Variants in SLC38A3 observed in about 807,000 individuals in gnomAD.
SLC38A3 encodes sodium-coupled neutral amino acid transporter 3.
In SLC38A3, 17 loss-of-function variants were observed where a neutral mutation model predicts 59.5. The ratio of observed to expected loss-of-function variants is 0.29; its 90% CI spans 0.20 to 0.43. The LOEUF is 0.43. Ranked by LOEUF, SLC38A3 falls within the 20% of genes least tolerant of loss-of-function variation. The pLI, the probability that SLC38A3 is intolerant of heterozygous loss-of-function variation, is 1.00. For synonymous variants in SLC38A3, 238 were observed against 260.3 expected (o/e 0.91, Z 0.82); for missense variants, 454 against 653.9 (o/e 0.69, Z 3.33).
chr3:50,215,834 G>C lies in SLC38A3; in HGVS notation c.548+13G>C, dbSNP rs778276104. On this transcript the variant is annotated intron_variant, in intron 7 of 15. Transcript: ENST00000614032. This position sits in a 1 kb window ranked among gnomAD's most constrained non-coding sequence, Gnocchi z 7.1. ...AGGAGAAAACCTCGTGAGCCCTGGC[G>C]TGGGGAGGGGAGGGGAGGGGTGCGG... 7 of 1,531,264 alleles carry C rather than the reference G, an allele frequency of 4.6e-6. No individual in the cohort carries two copies. The South Asian group carries it at 8.4e-5, about 18-fold the overall frequency. 94.9% of individuals were successfully genotyped at this position (1,531,264 alleles called of 1,614,324 possible). A position where few individuals can be genotyped will look rare whatever the true frequency, so the allele number is the denominator to read the frequency against.
In SLC38A3 at chr3:50,217,940, G is replaced by T. The variant is rs932109775; in HGVS notation, c.879G>T (p.Met293Ile). ...AGACAGCATACACCATCCCCATCAT[G>T]GCCTTCGCCTTCGTCTGCCACCCCG... The part of the protein sequence containing the change: ...NSQTAYTIPI[M>I]AFAFVCHPEV... The change falls in exon 11 of 16, where the codon ATG (methionine) becomes ATT (isoleucine). Residue 293 changes from methionine to isoleucine, a missense_variant. This residue lies in a region of SLC38A3 where 390 missense variants were observed against 557.9 expected (regional missense o/e 0.70). Coordinates refer to ENST00000614032, the MANE Select transcript of SLC38A3 (RefSeq NM_006841.6). This position sits in a 1 kb window ranked among gnomAD's most constrained non-coding sequence, Gnocchi z 4.9. 6.2e-7 allele frequency: 1 copy of T among 1,614,016 alleles called. No homozygotes were observed. The highest frequency in any genetic ancestry group is 8.5e-7 in the Non-Finnish European group (1 of 1,179,896).
chr3:50,211,172 CG>C (rs549313404), intron 1 of SLC38A3, among the ~76,000 whole-genome samples: 4 of 152,212 alleles, frequency 2.6e-5, no homozygotes, highest in Non-Finnish European at 4.4e-5. Flanking sequence ...GAGTTTACCC[CG>C]ATTCCGATTC....
In SLC38A3 at chr3:50,220,284, A is replaced by G. The variant is rs1331102524; in HGVS notation, c.*107A>G. On this transcript the variant is annotated 3_prime_UTR_variant, in exon 16 of 16. Transcript: ENST00000614032. ...TCGGGGGAGGAGAAAGACGCGATTA[A>G]CACTGTGGCATTCAGCCAGGCCCCA... 1 of 838,822 alleles carries G rather than the reference A, an allele frequency of 1.2e-6. No homozygotes were observed. The highest frequency in any genetic ancestry group is 1.7e-5 in the African/African-American group (1 of 59,232). 52.0% of individuals were successfully genotyped at this position (838,822 alleles called of 1,614,324 possible).
rs1286597086 is a variant in SLC38A3 at position 50,211,589 on chromosome 3, T to TTC, written c.-51-2559_-51-2558insCT. On this transcript the variant is annotated intron_variant, in intron 1 of 15. Coordinates refer to ENST00000614032, the MANE Select transcript of SLC38A3 (RefSeq NM_006841.6). ...CATCCTTTTTTTTTTTTTTTTTTTT[T>TTC]TTTTTTCTTTTTTTTTGAGATGGAG... Among the ~76,000 whole-genome samples the TTC allele has an allele frequency of 3.5e-5, 5 of 142,120 alleles. No individual in the cohort carries two copies. In the East Asian group the frequency reaches 1.0e-3, roughly 29 times the overall value. 93.2% of individuals were successfully genotyped at this position (142,120 alleles called of 152,430 possible). A position where few individuals can be genotyped will look rare whatever the true frequency, so the allele number is the denominator to read the frequency against.
intron 1 of SLC38A3, among the ~76,000 whole-genome samples, chr3:50,209,326 G>A (rs1699691038): frequency 6.6e-6 from 1 of 152,174 alleles, no homozygotes; most frequent in South Asian, 2.1e-4. Context: ...CCTAAGGTTA[G>A]GCCCAGCTAC....
At chr3:50,205,369 C>T (rs747224781) in intron 1 of SLC38A3, 21 bp downstream of exon 1, 3 of 55,970 alleles carry the variant, frequency 5.4e-5, no homozygotes, top group African/African-American at 3.2e-4. Context: ...GGGAGTTCAT[C>T]CCACCCGCAC....
At position 50,215,711 on chromosome 3, in the gene SLC38A3, C is replaced by A. The variant is rs201130965; in HGVS notation, c.467-29C>A. The A allele has an allele frequency of 1.1e-5, 18 of 1,604,662 alleles. No individual in the cohort carries two copies. The highest frequency in any genetic ancestry group is 1.5e-5 in the Non-Finnish European group (18 of 1,175,678). On this transcript the variant is annotated intron_variant, in intron 6 of 15. Transcript: ENST00000614032. This position sits in a 1 kb window ranked among gnomAD's most constrained non-coding sequence, Gnocchi z 7.1. The stretch of plus-strand genomic sequence containing the variant: ...AGCTGGCTGGTTGGGCTGACCTCAG[C>A]GCCTGCCTGCCCGCCCCTCTCCCCA...
In SLC38A3 at chr3:50,215,795, C is replaced by T. The variant is rs761510767; in HGVS notation, c.522C>T (p.Thr174=). Residue 174 remains threonine, a synonymous_variant, in exon 7 of 16, where the codon ACC becomes ACT. Coordinates refer to ENST00000614032, the MANE Select transcript of SLC38A3 (RefSeq NM_006841.6). This position sits in a 1 kb window ranked among gnomAD's most constrained non-coding sequence, Gnocchi z 7.1. ...IKSELPLVIQ[T]FLNLEEKTSD... ...CTGAGCTGCCACTTGTCATACAGAC[C>T]TTCCTGAACCTGGAGGAGAAAACCT... The T allele has an allele frequency of 3.8e-6, 6 of 1,589,612 alleles. No individual in the cohort carries two copies. In the East Asian group the frequency reaches 1.4e-4, roughly 36 times the overall value.
intron 7 of SLC38A3, among the ~76,000 whole-genome samples, chr3:50,216,191 C>T (rs1253080204): frequency 6.6e-6 from 1 of 152,230 alleles, no homozygotes; most frequent in African/African-American, 2.4e-5. Flanking sequence ...ATATTAAGCC[C>T]AGGTGTCCCA....
Position 50,217,413 on chromosome 3 carries a change from A to G in SLC38A3, c.632-2A>G, listed in dbSNP as rs1184660078. On this transcript the variant is annotated splice_acceptor_variant, in intron 8 of 15. Transcript: ENST00000614032. LOFTEE classifies it high-confidence loss of function. The surrounding 1 kb of genome is among the most constrained non-coding windows in gnomAD (Gnocchi z 4.9). Reference sequence around the variant, plus strand: ...TCTCAGAGTGCTCCCTCCACTTTGCAGGCTACCTGGGCTACTCCAGCGGCT... The same window carrying G: ...TCTCAGAGTGCTCCCTCCACTTTGCGGGCTACCTGGGCTACTCCAGCGGCT... 6.2e-7 allele frequency: 1 copy of G among 1,613,066 alleles called. No individual in the cohort carries two copies. The highest frequency in any genetic ancestry group is 2.2e-5 in the East Asian group (1 of 44,868).
In SLC38A3 at chr3:50,219,962, C is replaced by G; in HGVS notation, c.1388C>G (p.Ala463Gly). ...FRIMPTEKEP[A>G]RSTPKILALC... ...ATCATGCCCACGGAGAAGGAGCCTG[C>G]AAGATCCACCCCCAAAATCCTGGTG... Residue 463 changes from alanine to glycine, a missense_variant, in exon 15 of 16, where the codon GCA becomes GGA. Ala to Gly is a moderately conservative substitution (Grantham distance 60, BLOSUM62 0). Coordinates refer to ENST00000614032, the MANE Select transcript of SLC38A3 (RefSeq NM_006841.6). 6.2e-7 allele frequency: 1 copy of G among 1,612,622 alleles called. No homozygotes were observed. Among genetic ancestry groups the G allele is most frequent in the Non-Finnish European group, 8.5e-7 (1 of 1,179,342 alleles).
Position 50,215,012 on chromosome 3 carries a change from C to T in SLC38A3, c.299+244C>T, listed in dbSNP as rs587667776. 3.1e-4 allele frequency: 180 copies of T among 580,592 alleles called. No homozygotes were observed. The highest frequency in any genetic ancestry group is 9.2e-4 in the Middle Eastern group (2 of 2,178). 36.0% of individuals were successfully genotyped at this position (580,592 alleles called of 1,614,324 possible). ...AGGCCAGAGACTGTCCTTTTGGCAC[C>T]TTACACGTGATGGCCAAGCCCCACG... is the stretch of plus-strand genomic sequence containing the variant. On this transcript the variant is annotated intron_variant, in intron 4 of 15. Coordinates refer to ENST00000614032, the MANE Select transcript of SLC38A3 (RefSeq NM_006841.6). This position sits in a 1 kb window ranked among gnomAD's most constrained non-coding sequence, Gnocchi z 7.1.
At chr3:50,219,743 A>G (rs1371693340) in intron 14 of SLC38A3, 138 bp from the exon 15 acceptor site, 10 of 689,602 alleles carry the variant, frequency 1.5e-5, no homozygotes, top group Non-Finnish European at 2.3e-5. Flanking sequence ...GGTGGGCTAG[A>G]ATCAGGCAGA....
Position 50,217,538 on chromosome 3 carries a change from T to C in SLC38A3, c.690+65T>C, listed in dbSNP as rs1379155122. 3 of 1,584,052 alleles carry C rather than the reference T, an allele frequency of 1.9e-6. No homozygotes were observed. Among genetic ancestry groups the C allele is most frequent in the Non-Finnish European group, 2.6e-6 (3 of 1,159,176 alleles). ...GGTCTCCTGGGGGAGTTCCCTGTCA[T>C]CAGGAGGGGGCAGGTGTCTCTGGGA... On this transcript the variant is annotated intron_variant, in intron 9 of 15. Coordinates refer to ENST00000614032, the MANE Select transcript of SLC38A3 (RefSeq NM_006841.6). This position sits in a 1 kb window ranked among gnomAD's most constrained non-coding sequence, Gnocchi z 4.9.
Position 50,217,696 on chromosome 3 carries a change from C to T in SLC38A3, c.711C>T (p.His237=), listed in dbSNP as rs587684621. The change falls in exon 10 of 16, where the codon CAC becomes CAT. Residue 237 remains histidine (H), a synonymous_variant. Coordinates refer to ENST00000614032, the MANE Select transcript of SLC38A3 (RefSeq NM_006841.6). The surrounding 1 kb of genome is among the most constrained non-coding windows in gnomAD (Gnocchi z 4.9). ...TCCAGGTCATCTACAAAAAGTTCCACGTGCCCTGCCCACTGCCCCCCAACT... is the reference window on the plus strand; with the variant it reads ...TCCAGGTCATCTACAAAAAGTTCCATGTGCCCTGCCCACTGCCCCCCAACT... ...FLIAVIYKKF[H]VPCPLPPNFN... The T allele has an allele frequency of 1.7e-5, 27 of 1,613,986 alleles. No individual in the cohort carries two copies. The highest frequency in any genetic ancestry group is 5.0e-5 in the Admixed American group (3 of 60,008).
intron 1 of SLC38A3, among the ~76,000 whole-genome samples, chr3:50,210,803 G>A (rs1190820429): frequency 6.6e-6 from 1 of 152,128 alleles, no homozygotes; most frequent in East Asian, 1.9e-4. Flanking sequence ...CCAGGGCAAT[G>A]GCCTGGGCCA....
At chr3:50,219,718 C>A (rs985724874) in intron 14 of SLC38A3, among the ~76,000 whole-genome samples, 163 bp from the exon 15 acceptor site, 4 of 152,174 alleles carry the variant, frequency 2.6e-5, no homozygotes, top group Admixed American at 6.5e-5. Flanking sequence ...GGATGGAGAA[C>A]AAGGGGGAGA....
chr3:50,217,952 C>T lies in SLC38A3; in HGVS notation c.891C>T (p.Phe297=), dbSNP rs1307546993. 9.3e-6 allele frequency: 15 copies of T among 1,613,892 alleles called. No homozygotes were observed. The highest frequency in any genetic ancestry group is 2.7e-5 in the African/African-American group (2 of 74,922). ...AYTIPIMAFA[F]VCHPEVLPIY... Reference sequence around the variant, plus strand: ...CCATCCCCATCATGGCCTTCGCCTTCGTCTGCCACCCCGAGGTGCTGCCCA... The same window carrying T: ...CCATCCCCATCATGGCCTTCGCCTTTGTCTGCCACCCCGAGGTGCTGCCCA... Residue 297 remains phenylalanine, a synonymous_variant, in exon 11 of 16, where the codon TTC becomes TTT. Transcript: ENST00000614032. The surrounding 1 kb of genome is among the most constrained non-coding windows in gnomAD (Gnocchi z 4.9).
intron 1 of SLC38A3, among the ~76,000 whole-genome samples, chr3:50,211,716 G>A (rs1277470019): frequency 2.0e-5 from 3 of 151,916 alleles, no homozygotes; most frequent in South Asian, 4.2e-4. Flanking sequence ...AGCCTCCTGC[G>A]TAGCTGGGAT....
Sources: gnomAD v4.1 joint callset for allele counts (sites outside exome capture counted in the v4.1 genomes callset) on GRCh38, gnomAD v4.1.1 for gene constraint, gnomAD v4.1.1 regional missense constraint, Gnocchi (gnomAD v3.1) non-coding constraint, MANE v1.5 for transcripts, NCBI Gene and HGNC (gene_info 2026-07-23, HGNC 2026-07-21) for gene names.